Variants in STK24 observed in about 807,000 individuals in gnomAD.
The protein encoded by STK24 is serine/threonine-protein kinase 24.
STK24 carries 21 observed loss-of-function variants against 55.6 expected under a neutral mutation model. The observed-to-expected ratio is 0.38, with a 90% CI of 0.27 to 0.54. The LOEUF (loss-of-function observed/expected upper bound fraction) is 0.54, where lower values mean the gene tolerates loss of function less well. Among genes scored for constraint, STK24 ranks in the 20% least tolerant of loss-of-function variants. The probability of loss-of-function intolerance (pLI) is 0.79; values close to 1 mark genes in which losing one functional copy is unlikely to be tolerated. For missense variants in STK24, 383 were observed against 538.4 expected (o/e 0.71, Z 2.86); for synonymous variants, 200 against 215.2 (o/e 0.93, Z 0.62).
At chr13:98,499,430 G>C (rs56812236) in intron 2 of STK24, among the ~76,000 whole-genome samples, 1 of 152,122 alleles carries the variant, frequency 6.6e-6, no homozygotes, top group Non-Finnish European at 1.5e-5. Context: ...GAGTGATTGC[G>C]TATGGAAAGA....
In STK24 at chr13:98,450,444, G is replaced by C. The variant is rs1893133942; in HGVS notation, c.*2729C>G. ...AGAGCAATGCAGGGATAAAACTATTGGATAAGGAAGGCAGATGCACTTCCA... is the reference window on the plus strand; with the variant it reads ...AGAGCAATGCAGGGATAAAACTATTCGATAAGGAAGGCAGATGCACTTCCA... On this transcript the variant is annotated 3_prime_UTR_variant, in exon 11 of 11. Transcript: ENST00000539966. 6.6e-6 allele frequency: 1 copy of C among 152,234 alleles called. No individual in the cohort carries two copies. The highest frequency in any genetic ancestry group is 1.5e-5 in the Non-Finnish European group (1 of 68,066). The allele number at this position is 152,234 out of a possible 1,614,324, so 9.4% of individuals were successfully genotyped here. A position where few individuals can be genotyped will look rare whatever the true frequency, so the allele number is the denominator to read the frequency against.
intron 2 of STK24, among the ~76,000 whole-genome samples, chr13:98,485,845 G>C (rs1300254044): frequency 6.6e-6 from 1 of 152,210 alleles, no homozygotes; most frequent in African/African-American, 2.4e-5. Flanking sequence ...CTAGACACAG[G>C]CAGCAGCTGC....
Position 98,466,381 on chromosome 13 carries a change from T to G in STK24, c.778A>C (p.Ser260Arg). The change falls in exon 6 of 11, where the codon AGC (serine) becomes CGC (arginine). Residue 260 changes from serine to arginine, a missense_variant. By Grantham distance (110) the Ser-to-Arg change is moderately radical. Coordinates refer to ENST00000539966, the MANE Select transcript of STK24 (RefSeq NM_001032296.4). ...FVEACLNKEPSFRPTAKELLK... is the reference protein window; with the variant it reads ...FVEACLNKEPRFRPTAKELLK... ...GTGATCCCTGGGAAACTTACAAAGC[T>G]CGGCTCCTTATTCAAACAGGCCTCC... The G allele has an allele frequency of 6.2e-7, 1 of 1,612,140 alleles. No homozygotes were observed. The highest frequency in any genetic ancestry group is 8.5e-7 in the Non-Finnish European group (1 of 1,179,968).
intron 10 of STK24, chr13:98,455,091 C>T (rs561837762): frequency 3.9e-5 from 6 of 152,318 alleles, no homozygotes; most frequent in African/African-American, 7.2e-5. Context: ...ACTCCAAAGA[C>T]GGTCCCTCCA....
At chr13:98,552,146 C>T (rs1422543439) in intron 1 of STK24, among the ~76,000 whole-genome samples, 3 of 152,158 alleles carry the variant, frequency 2.0e-5, no homozygotes, top group African/African-American at 7.2e-5. Context: ...AATTTTTAAA[C>T]AATTAGTCAT....
chr13:98,514,814 CTT>C (rs1413427958), intron 2 of STK24, among the ~76,000 whole-genome samples: 5 of 152,110 alleles, frequency 3.3e-5, no homozygotes, highest in African/African-American at 1.2e-4. Context: ...TATTTTAAGA[CTT>C]GTGAATTTTG....
chr13:98,534,334 G>T (rs534635316), intron 1 of STK24, among the ~76,000 whole-genome samples: 1 of 152,124 alleles, frequency 6.6e-6, no homozygotes, highest in African/African-American at 2.4e-5. Flanking sequence ...TGACCTAACC[G>T]ACTCCATCTT....
intron 8 of STK24, among the ~76,000 whole-genome samples, chr13:98,460,705 G>A (rs931851938): frequency 2.0e-5 from 3 of 152,102 alleles, no homozygotes; most frequent in African/African-American, 7.2e-5. Flanking sequence ...GACTCTGTGT[G>A]GGCACAGGCG....
intron 2 of STK24, among the ~76,000 whole-genome samples, chr13:98,491,673 A>G (rs1244549744): frequency 6.8e-6 from 1 of 147,670 alleles, no homozygotes; most frequent in African/African-American, 2.5e-5. Flanking sequence ...ACAGCATTAC[A>G]AACATTCATT....
chr13:98,486,842 G>A (rs542158772), intron 2 of STK24, among the ~76,000 whole-genome samples: 1 of 152,280 alleles, frequency 6.6e-6, no homozygotes, highest in African/African-American at 2.4e-5. Context: ...CTCTTACCAG[G>A]AGACATCAGG....
At chr13:98,498,226 T>C (rs1895323430) in intron 2 of STK24, among the ~76,000 whole-genome samples, 1 of 152,244 alleles carries the variant, frequency 6.6e-6, no homozygotes, top group Non-Finnish European at 1.5e-5. Context: ...CTGTGTATGA[T>C]CCCTTCCAAC....
At position 98,447,121 on chromosome 13, in the gene STK24, A is replaced by C. The variant is rs551409239; in HGVS notation, c.*6052T>G. On this transcript the variant is annotated 3_prime_UTR_variant, in exon 11 of 11. Transcript: ENST00000539966. The stretch of plus-strand genomic sequence containing the variant: ...GCTAAGCCCCAGTGAGACTGCCTAC[A>C]TGGTGTAATGGCAGGGACTGCAGAC... 1.4e-4 allele frequency: 44 copies of C among 315,592 alleles called. No individual in the cohort carries two copies. Among genetic ancestry groups the C allele is most frequent in the African/African-American group, 7.6e-4 (36 of 47,344 alleles). 19.5% of individuals were successfully genotyped at this position (315,592 alleles called of 1,614,324 possible). A position where few individuals can be genotyped will look rare whatever the true frequency, so the allele number is the denominator to read the frequency against.
intron 2 of STK24, among the ~76,000 whole-genome samples, chr13:98,503,477 T>C (rs1213859228): frequency 6.6e-6 from 1 of 152,258 alleles, no homozygotes; most frequent in East Asian, 1.9e-4. Flanking sequence ...GTTCATTGTT[T>C]ATATGGCTGC....
Position 98,463,812 on chromosome 13 carries a change from T to G in STK24, c.808A>C (p.Lys270Gln). ...SFRPTAKELL[K>Q]HKFILRNAKK... ...GCATTGCGTAGTATAAACTTGTGCTTCAATAACTCCTTAGCAGTGGGTCTC... is the reference window on the plus strand; with the variant it reads ...GCATTGCGTAGTATAAACTTGTGCTGCAATAACTCCTTAGCAGTGGGTCTC... The change falls in exon 7 of 11, where the codon AAG becomes CAG. Residue 270 changes from lysine (K) to glutamine (Q), a missense_variant. Lys to Gln is a moderately conservative substitution (Grantham distance 53). Coordinates refer to ENST00000539966, the MANE Select transcript of STK24 (RefSeq NM_001032296.4). The G allele has an allele frequency of 6.2e-7, 1 of 1,614,014 alleles. No homozygotes were observed. Among genetic ancestry groups the G allele is most frequent in the Non-Finnish European group, 8.5e-7 (1 of 1,179,962 alleles).
chr13:98,473,377 G>C (rs1213896986), intron 5 of STK24, among the ~76,000 whole-genome samples: 7 of 149,464 alleles, frequency 4.7e-5, no homozygotes, highest in Non-Finnish European at 7.4e-5. Context: ...AATCGAGGTG[G>C]TGTCATCCAA....
At chr13:98,494,232 A>G (rs1212910956) in intron 2 of STK24, among the ~76,000 whole-genome samples, 1 of 148,252 alleles carries the variant, frequency 6.7e-6, no homozygotes, top group Non-Finnish European at 1.5e-5. Flanking sequence ...TAACACGGTG[A>G]AACCCCGTCT....
rs1394636770 is a variant in STK24, at chr13:98,449,314, T to C, written c.*3859A>G. ...TCTCTAGTAGTATATATCGTGCCTG[T>C]CTTCAAAAACATTTCCCTTTTTATA... On this transcript the variant is annotated 3_prime_UTR_variant, in exon 11 of 11. Coordinates refer to ENST00000539966, the MANE Select transcript of STK24 (RefSeq NM_001032296.4). 6.6e-6 allele frequency: 1 copy of C among 152,174 alleles called. No homozygotes were observed. Among genetic ancestry groups the C allele is most frequent in the Admixed American group, 6.5e-5 (1 of 15,276 alleles). 9.4% of individuals were successfully genotyped at this position (152,174 alleles called of 1,614,324 possible).
chr13:98,520,304 C>A (rs1237125485), intron 1 of STK24, among the ~76,000 whole-genome samples: 1 of 152,178 alleles, frequency 6.6e-6, no homozygotes, highest in East Asian at 1.9e-4. Context: ...TATCTCCCCA[C>A]AAATAACTGC....
chr13:98,521,504 T>G (rs1472542311), intron 1 of STK24, among the ~76,000 whole-genome samples: 3 of 152,002 alleles, frequency 2.0e-5, no homozygotes, highest in Non-Finnish European at 4.4e-5. Context: ...TACAACATCC[T>G]CCTCTTCCTA....
Sources: allele counts gnomAD v4.1 joint callset (sites outside exome capture counted in the v4.1 genomes callset), GRCh38; gene constraint gnomAD v4.1.1; transcripts MANE v1.5; gene names NCBI Gene and HGNC (gene_info 2026-07-23, HGNC 2026-07-21).